Variants in FMN2 observed in about 807,000 individuals in gnomAD.
The protein encoded by FMN2 is formin-2.
In FMN2, 51 loss-of-function variants were observed where a neutral mutation model predicts 142.3. The observed-to-expected ratio is 0.36, with a 90% confidence interval of 0.29 to 0.45. FMN2 has a LOEUF of 0.45. FMN2 is among the 20% of genes least tolerant of loss of function. The probability of loss-of-function intolerance (pLI) is 1.00; values close to 1 mark genes in which losing one functional copy is unlikely to be tolerated. For missense variants in FMN2, 1,936 were observed against 2,122.8 expected, an observed-to-expected ratio of 0.91 and a Z score of 1.73; for synonymous variants, 882 against 869.8, an observed-to-expected ratio of 1.01 and a Z score of -0.25.
intron 1 of FMN2, among the ~76,000 whole-genome samples, chr1:240,097,582 C>T (rs1257372445): frequency 2.6e-5 from 4 of 152,106 alleles, no homozygotes; most frequent in African/African-American, 9.7e-5. Context: ...GTCTTGATCT[C>T]CTGACCTCGT....
At chr1:240,329,536 C>T (rs1378685977) in intron 10 of FMN2, 68 bp downstream of exon 10, 1 of 1,555,486 alleles carries the variant, frequency 6.4e-7, no homozygotes, top group Non-Finnish European at 8.7e-7. Flanking sequence ...GTTCTTATTT[C>T]AGAAAAGCAT....
At chr1:240,301,607 C>CT (rs1051582379) in intron 8 of FMN2, among the ~76,000 whole-genome samples, 9 of 151,056 alleles carry the variant, frequency 6.0e-5, no homozygotes, top group South Asian at 4.2e-4. Flanking sequence ...TCTCACCTTC[C>CT]TTTTTTTTGA....
chr1:240,257,964 A>G lies in FMN2; in HGVS notation c.4085A>G (p.Asn1362Ser). 1 of 1,613,092 alleles carries G rather than the reference A, an allele frequency of 6.2e-7. No individual in the cohort carries two copies. Among genetic ancestry groups the G allele is most frequent in the Non-Finnish European group, 8.5e-7 (1 of 1,179,688 alleles). ...GAGCAGGTTGTCAAGTTATTAAGCA[A>G]CAAAAGATCACAAGCAGTTGGAATA... ...KAKQVVKLLSNKRSQAVGILM... is the reference protein window; with the variant it reads ...KAKQVVKLLSSKRSQAVGILM... Residue 1362 changes from asparagine (N) to serine (S), a missense_variant, in exon 7 of 18, where the codon AAC (asparagine) becomes AGC (serine). Asn to Ser is a conservative substitution (Grantham distance 46, BLOSUM62 1). Transcript: ENST00000319653.
chr1:240,461,902 C>G (rs561735527), intron 16 of FMN2, among the ~76,000 whole-genome samples: 40 of 152,266 alleles, frequency 2.6e-4, no homozygotes, highest in African/African-American at 8.9e-4. Flanking sequence ...TAGTCATTTT[C>G]TTCAAATAAA....
chr1:240,331,861 T>G (rs938145620), intron 11 of FMN2, among the ~76,000 whole-genome samples: 1 of 152,196 alleles, frequency 6.6e-6, no homozygotes, highest in Non-Finnish European at 1.5e-5. Flanking sequence ...TATTTTATAA[T>G]AAAGTGCTGA....
In FMN2 at chr1:240,092,488, G is replaced by A. The variant is rs778128729; in HGVS notation, c.379G>A (p.Glu127Lys). The A allele has an allele frequency of 6.2e-7, 1 of 1,607,554 alleles. No individual in the cohort carries two copies. Among genetic ancestry groups the A allele is most frequent in the Non-Finnish European group, 8.5e-7 (1 of 1,177,086 alleles). ...TCCAGACCTCAGCCTCTCGGCGGAC[G>A]AGGCCGGCCTGTCGGATACCGAGTG... ...KTPDLSLSAD[E>K]AGLSDTECAD... is the part of the protein sequence containing the mutation. The change falls in exon 1 of 18, where the codon GAG becomes AAG. Residue 127 changes from glutamate to lysine, a missense_variant. This residue lies in a region of FMN2 where 751 missense variants were observed against 791.8 expected (regional missense o/e 0.95). Coordinates refer to ENST00000319653, the MANE Select transcript of FMN2 (RefSeq NM_020066.5).
At chr1:240,155,131 T>C (rs1223695248) in intron 2 of FMN2, among the ~76,000 whole-genome samples, 1 of 151,878 alleles carries the variant, frequency 6.6e-6, no homozygotes, top group East Asian at 1.9e-4. Flanking sequence ...GCTCAAGCAA[T>C]CCACCCACCT....
intron 8 of FMN2, among the ~76,000 whole-genome samples, chr1:240,309,968 A>C (rs569214268): frequency 6.6e-6 from 1 of 152,292 alleles, no homozygotes; most frequent in Admixed American, 6.5e-5. Context: ...GCACGGGCTT[A>C]GACTTGGCTT....
At chr1:240,143,471 CCTTGTCCTT>C in intron 2 of FMN2, 1 of 1,532,862 alleles carries the variant, frequency 6.5e-7, no homozygotes, top group East Asian at 2.3e-5. Flanking sequence ...TCCTTTTTGT[CCTTGTCCTT>C]CTTTTCCTTC....
At chr1:240,186,367 T>C (rs77762319) in intron 3 of FMN2, among the ~76,000 whole-genome samples, 1,944 of 152,294 alleles carry the variant, frequency 0.013, 41 homozygotes, top group African/African-American at 0.044. Flanking sequence ...CCAGGCACTA[T>C]TTGGATGTGG....
At chr1:240,411,537 C>G (rs1470458215) in intron 15 of FMN2, among the ~76,000 whole-genome samples, 1 of 150,276 alleles carries the variant, frequency 6.7e-6, no homozygotes, top group African/African-American at 2.5e-5. Context: ...TGCCATTGTA[C>G]TCCAGCCTGG....
rs1029843135 is a variant in FMN2 at position 240,378,735 on chromosome 1, T to A, written c.4859-13776T>A. 6.6e-5 allele frequency among the ~76,000 whole-genome samples: 10 copies of A among 152,242 alleles called. No individual in the cohort carries two copies. The South Asian group carries it at 1.7e-3, about 25-fold the overall frequency. On this transcript the variant is annotated intron_variant, in intron 14 of 17. Coordinates refer to ENST00000319653, the MANE Select transcript of FMN2 (RefSeq NM_020066.5). ...TGTTATTTTCCTCTGCAGTGTCTAA[T>A]CTTACGTGATTTCCATTCAGTGGAC...
chr1:240,139,254 A>G (rs1663077965), intron 2 of FMN2, among the ~76,000 whole-genome samples: 1 of 138,554 alleles, frequency 7.2e-6, no homozygotes, highest in Non-Finnish European at 1.6e-5. Flanking sequence ...GGGTAGATAG[A>G]GGGTGATGCA....
intron 16 of FMN2, among the ~76,000 whole-genome samples, chr1:240,447,305 T>G (rs1209537530): frequency 6.6e-6 from 1 of 152,154 alleles, no homozygotes; most frequent in Non-Finnish European, 1.5e-5. Context: ...ACATCCGTAT[T>G]GAGGTACTTT....
chr1:240,158,210 T>C (rs1348775146), intron 2 of FMN2, among the ~76,000 whole-genome samples: 1 of 152,080 alleles, frequency 6.6e-6, no homozygotes, highest in Non-Finnish European at 1.5e-5. Context: ...AGCTTGGATT[T>C]GAAAAACAAA....
intron 8 of FMN2, among the ~76,000 whole-genome samples, chr1:240,316,201 T>C (rs1011301923): frequency 7.2e-5 from 11 of 152,156 alleles, no homozygotes; most frequent in African/African-American, 2.4e-4. Flanking sequence ...AAGTGCTAGA[T>C]AGAGTTCTTT....
intron 17 of FMN2, among the ~76,000 whole-genome samples, chr1:240,472,972 A>C (rs1307568911): frequency 6.6e-6 from 1 of 151,842 alleles, no homozygotes; most frequent in East Asian, 1.9e-4. Flanking sequence ...ATTAAGATAA[A>C]TCTACTGAAT....
At chr1:240,142,743 GT>G in intron 2 of FMN2, 1 of 1,608,982 alleles carries the variant, frequency 6.2e-7, no homozygotes, top group African/African-American at 1.3e-5. Context: ...AAACTCCTCA[GT>G]GGCCAATTCT....
At chr1:240,123,392 A>G (rs1012109535) in intron 2 of FMN2, 47 bp downstream of exon 2, 1 of 1,581,080 alleles carries the variant, frequency 6.3e-7, no homozygotes, top group Non-Finnish European at 8.6e-7. Context: ...TTTGCTGTGG[A>G]AATAGCAGCT....
Sources: gnomAD v4.1 joint callset for allele counts (sites outside exome capture counted in the v4.1 genomes callset) on GRCh38, gnomAD v4.1.1 for gene constraint, gnomAD v4.1.1 regional missense constraint, MANE v1.5 for transcripts, NCBI Gene and HGNC (gene_info 2026-07-23, HGNC 2026-07-21) for gene names.